FABP6: variants seen among roughly 807,000 people sequenced by gnomAD.
FABP6 encodes the protein gastrotropin.
In FABP6, 13 loss-of-function variants were observed where a neutral mutation model predicts 14.9. That is an observed-to-expected ratio of 0.87 (90% CI 0.57 to 1.39). FABP6 has a LOEUF of 1.39. Ranked by LOEUF, FABP6 falls within the 40% of genes most tolerant of loss-of-function variation. The pLI, the probability that FABP6 is intolerant of heterozygous loss-of-function variation, is 0.00. For missense variants in FABP6, 161 were observed against 167.2 expected, an observed-to-expected ratio of 0.96 and a Z score of 0.20; for synonymous variants, 75 against 63.6, an observed-to-expected ratio of 1.18 and a Z score of -0.85.
chr5:160,229,710 G>A, intron 1 of FABP6, 86 bp downstream of exon 1: 1 of 1,229,696 alleles, frequency 8.1e-7, no homozygotes, highest in Admixed American at 1.8e-5. Flanking sequence ...GAATGGGACA[G>A]GATTTCATCC....
At chr5:160,229,821 TTTTTATTTTATTTTA>T (rs200570698) in intron 1 of FABP6, among the ~76,000 whole-genome samples, 197 bp downstream of exon 1, 35,847 of 127,680 alleles carry the variant, frequency 0.28, 5,314 homozygotes, top group East Asian at 0.32. Flanking sequence ...CTCTTTAACT[TTTTTATTTTATTTTA>T]TTTTATTTTA....
At position 160,205,317 on chromosome 5, in the gene FABP6, C is replaced by CAAA. The variant is rs1163175404; in HGVS notation, c.51+6180_51+6182dup. Among the ~76,000 whole-genome samples the CAAA allele has an allele frequency of 3.2e-3, 215 of 66,276 alleles. 3 individuals are homozygous for CAAA. Among genetic ancestry groups the CAAA allele is most frequent in the East Asian group, 7.4e-3 (14 of 1,886 alleles). The allele number at this position is 66,276 out of a possible 152,430, so 43.5% of individuals were successfully genotyped here. A position where few individuals can be genotyped will look rare whatever the true frequency, so the allele number is the denominator to read the frequency against. ...TGGGTGACAGAGCAAGACTTCATCT[C>CAAA]AAAAAAAAAAAAAAAAAAAAAAGCA... On this transcript the variant is annotated intron_variant, in intron 2 of 6. Transcript: ENST00000393980.
At chr5:160,192,045 GCTTT>G (rs941362434) in intron 1 of FABP6, among the ~76,000 whole-genome samples, 4 of 151,950 alleles carry the variant, frequency 2.6e-5, no homozygotes, top group African/African-American at 9.7e-5. Flanking sequence ...CTCTTAAAGT[GCTTT>G]CTATTTCTCT....
At chr5:160,223,744 T>C (rs10463078) in intron 3 of FABP6, among the ~76,000 whole-genome samples, 17,744 of 150,740 alleles carry the variant, frequency 0.12, 1,611 homozygotes, top group East Asian at 0.36. Flanking sequence ...TGAACTTCCA[T>C]CCATTCCCCA....
chr5:160,238,061 C>T (rs1760554342), intron 3 of FABP6, among the ~76,000 whole-genome samples: 1 of 152,124 alleles, frequency 6.6e-6, no homozygotes, highest in South Asian at 2.1e-4. Flanking sequence ...CAGCACAGCT[C>T]CACAGCATGG....
At chr5:160,231,791 C>A (rs1456790929) in intron 1 of FABP6, among the ~76,000 whole-genome samples, 1 of 152,128 alleles carries the variant, frequency 6.6e-6, no homozygotes, top group Admixed American at 6.6e-5. Flanking sequence ...GATGAGCACC[C>A]ACCATGTGCC....
At chr5:160,234,397 T>G (rs2113146821) in intron 2 of FABP6, among the ~76,000 whole-genome samples, 1 of 151,304 alleles carries the variant, frequency 6.6e-6, no homozygotes, top group African/African-American at 2.4e-5. Context: ...TTTTTTTTTT[T>G]TTTTTACCTA....
intron 2 of FABP6, among the ~76,000 whole-genome samples, chr5:160,211,983 C>CTTTTT (rs70990712): frequency 9.7e-6 from 1 of 103,018 alleles, no homozygotes; most frequent in Non-Finnish European, 1.9e-5. Context: ...TATGCAAGTT[C>CTTTTT]TTTTTTTTTT....
chr5:160,233,998 A>G (rs1050778891), intron 2 of FABP6, among the ~76,000 whole-genome samples: 1 of 152,158 alleles, frequency 6.6e-6, no homozygotes, highest in Non-Finnish European at 1.5e-5. Flanking sequence ...TGCCTCTATC[A>G]TTAGGCCTCT....
chr5:160,210,441 CTA>C (rs1263932271), intron 2 of FABP6, among the ~76,000 whole-genome samples: 1 of 152,230 alleles, frequency 6.6e-6, no homozygotes, highest in Admixed American at 6.5e-5. Flanking sequence ...ATGAAGGAAT[CTA>C]TCCCTATGGT....
chr5:160,189,030 C>T (rs192072426), intron 1 of FABP6, among the ~76,000 whole-genome samples: 6 of 152,168 alleles, frequency 3.9e-5, no homozygotes, highest in East Asian at 1.9e-4. Context: ...AGAGTACACA[C>T]TTTATGCACC....
chr5:160,225,366 A>T (rs988316413), upstream of FABP6, among the ~76,000 whole-genome samples: 3 of 145,694 alleles, frequency 2.1e-5, no homozygotes, highest in Admixed American at 1.4e-4. Context: ...AAGTACTGGG[A>T]TTACAGGCAT....
chr5:160,192,295 G>C (rs1361681365), intron 1 of FABP6, among the ~76,000 whole-genome samples: 1 of 151,376 alleles, frequency 6.6e-6, no homozygotes, highest in African/African-American at 2.4e-5. Flanking sequence ...CCAAGTGGCT[G>C]ATACTACAGG....
chr5:160,199,114 C>G, exon 2 of FABP6: 1 of 1,614,152 alleles, frequency 6.2e-7, no homozygotes, highest in Non-Finnish European at 8.5e-7. Context: ...GCGATGAAGA[C>G]AGTGACGATG....
At position 160,199,206 on chromosome 5, in the gene FABP6, G is replaced by A. The variant is rs1363454349; in HGVS notation, c.51+49G>A. The A allele has an allele frequency of 1.9e-6, 3 of 1,602,994 alleles. No homozygotes were observed. The Admixed American group carries it at 5.0e-5, about 27-fold the overall frequency. On this transcript the variant is annotated intron_variant, in intron 2 of 6. Transcript: ENST00000393980. ...AGTCATTTGAGGCAAATGAAAGGATGACCCAGGTCACAGTGGGGAGAACAC... is the reference window on the plus strand; with the variant it reads ...AGTCATTTGAGGCAAATGAAAGGATAACCCAGGTCACAGTGGGGAGAACAC...
chr5:160,204,130 C>T (rs1429876699), intron 2 of FABP6, among the ~76,000 whole-genome samples: 1 of 133,858 alleles, frequency 7.5e-6, no homozygotes, highest in Non-Finnish European at 1.6e-5. Context: ...TAGAGTGAGA[C>T]TCCATCTCAA....
At chr5:160,199,260 C>T (rs1021180918) in intron 2 of FABP6, 4 of 1,167,706 alleles carry the variant, frequency 3.4e-6, no homozygotes, top group Non-Finnish European at 3.8e-6. Context: ...TCGCCTTTCT[C>T]TGTGATGCTA....
chr5:160,217,645 T>G (rs1760039838), intron 3 of FABP6, among the ~76,000 whole-genome samples: 1 of 151,986 alleles, frequency 6.6e-6, no homozygotes, highest in African/African-American at 2.4e-5. Context: ...TTTATTATTA[T>G]TATTATTTTT....
intron 2 of FABP6, among the ~76,000 whole-genome samples, chr5:160,210,612 AC>A (rs1759867067): frequency 1.3e-5 from 2 of 152,204 alleles, no homozygotes; most frequent in Non-Finnish European, 2.9e-5. Flanking sequence ...CAGCTCGAAG[AC>A]CTGCACAGCC....
Sources: gnomAD v4.1 joint callset for allele counts (sites outside exome capture counted in the v4.1 genomes callset) on GRCh38, gnomAD v4.1.1 for gene constraint, MANE v1.5 for transcripts, NCBI Gene and HGNC (gene_info 2026-07-23, HGNC 2026-07-21) for gene names.